Variants in RIN3 observed in about 807,000 individuals in gnomAD.
The protein encoded by RIN3 is RAB5 interacting protein 3.
A neutral mutation model predicts 76.3 loss-of-function variants in RIN3; 54 were observed. That is an observed-to-expected ratio of 0.71 (90% CI 0.57 to 0.89). The LOEUF (loss-of-function observed/expected upper bound fraction) is 0.89. Among genes scored for constraint, RIN3 ranks in the 40% least tolerant of loss-of-function variants. The pLI is 0.00. For missense variants in RIN3, 1,256 were observed against 1,322.1 expected, an observed-to-expected ratio of 0.95 and a Z score of 0.78; for synonymous variants, 576 against 564.0, an observed-to-expected ratio of 1.02 and a Z score of -0.30.
chr14:92,557,505 C>T (rs1230085541), intron 2 of RIN3, among the ~76,000 whole-genome samples: 2 of 152,336 alleles, frequency 1.3e-5, no homozygotes, highest in South Asian at 2.1e-4. Flanking sequence ...GTACAGGGCT[C>T]AGATGGCGAA....
chr14:92,688,017 A>G lies in RIN3; in HGVS notation c.2723A>G (p.Gln908Arg). Residue 908 changes from glutamine (Q) to arginine (R), a missense_variant, in exon 10 of 10, where the codon CAG becomes CGG. Physicochemically the swap from Gln to Arg is conservative, Grantham distance 43 (BLOSUM62 1). This residue lies in a region of RIN3 where 218 missense variants were observed against 174.5 expected (regional missense o/e 1.25). Coordinates refer to ENST00000216487, the MANE Select transcript of RIN3 (RefSeq NM_024832.5). ...ACCCAGGCCCAGGCGCTGTGCGCGCAGTGCGCGGAGAAGTTCGCGGTGGAG... is the reference window on the plus strand; with the variant it reads ...ACCCAGGCCCAGGCGCTGTGCGCGCGGTGCGCGGAGAAGTTCGCGGTGGAG... Reference protein sequence around the residue: ...ADTQAQALCAQCAEKFAVERP... With the variant: ...ADTQAQALCARCAEKFAVERP... 6.3e-7 allele frequency: 1 copy of G among 1,583,964 alleles called. No homozygotes were observed. Among genetic ancestry groups the G allele is most frequent in the Non-Finnish European group, 8.6e-7 (1 of 1,166,602 alleles).
intron 4 of RIN3, among the ~76,000 whole-genome samples, chr14:92,634,068 CTTTTTT>C (rs6145445): frequency 9.3e-6 from 1 of 108,108 alleles, no homozygotes; most frequent in African/African-American, 3.2e-5. Context: ...CTAAAAATCC[CTTTTTT>C]TTTTTTTTTT....
At chr14:92,676,120 A>G (rs1271709784) in intron 7 of RIN3, among the ~76,000 whole-genome samples, 1 of 151,880 alleles carries the variant, frequency 6.6e-6, no homozygotes, top group Non-Finnish European at 1.5e-5. Flanking sequence ...AGGAGCCATG[A>G]ATGCTTCTGG....
intron 3 of RIN3, among the ~76,000 whole-genome samples, chr14:92,582,583 G>T (rs750285930): frequency 4.6e-5 from 7 of 151,816 alleles, no homozygotes; most frequent in Non-Finnish European, 1.0e-4. Context: ...CTCCTGAGTA[G>T]CTGGGACTAC....
At position 92,579,348 on chromosome 14, in the gene RIN3, A is replaced by G. The variant is rs775464382; in HGVS notation, c.367+1871A>G. Among the ~76,000 whole-genome samples the G allele has an allele frequency of 2.8e-4, 43 of 152,254 alleles. 2 individuals carry two copies. Among genetic ancestry groups the G allele is most frequent in the Admixed American group, 5.9e-4 (9 of 15,290 alleles). On this transcript the variant is annotated intron_variant, in intron 3 of 9. Coordinates refer to ENST00000216487, the MANE Select transcript of RIN3 (RefSeq NM_024832.5). Reference sequence around the variant, plus strand: ...GTTACCATCTTTGTTTCAAAGTTAAACAATAAACTAAATTCCTCCCAGAGT... The same window carrying G: ...GTTACCATCTTTGTTTCAAAGTTAAGCAATAAACTAAATTCCTCCCAGAGT...
rs1888833361 is a variant in RIN3, at chr14:92,685,809, AC to A, written c.2631+660del. ...TGGCTGTCACTGCCCATCCTTTAAG[AC>A]GACTCAGTTTCTCCAACAGCCCCTC... On this transcript the variant is annotated intron_variant, in intron 9 of 9. Transcript: ENST00000216487. The surrounding 1 kb of genome is among the most constrained non-coding windows in gnomAD (Gnocchi z 4.7). 6.6e-6 allele frequency: 1 copy of A among 152,212 alleles called. No individual in the cohort carries two copies. The allele number at this position is 152,212 out of a possible 1,614,324, so 9.4% of individuals were successfully genotyped here.
intron 8 of RIN3, among the ~76,000 whole-genome samples, chr14:92,680,859 C>T (rs937167976): frequency 3.3e-5 from 5 of 152,218 alleles, no homozygotes; most frequent in African/African-American, 4.8e-5. Context: ...TTGCAGCAGG[C>T]GTGTGGGGCA....
intron 7 of RIN3, among the ~76,000 whole-genome samples, chr14:92,663,308 G>A (rs951273241): frequency 1.1e-4 from 16 of 152,200 alleles, no homozygotes; most frequent in African/African-American, 3.1e-4. Context: ...GCAGGGATTC[G>A]AGGAAGGAAT....
At position 92,641,297 on chromosome 14, in the gene RIN3, C is replaced by T. The variant is rs1342060411; in HGVS notation, c.500C>T (p.Thr167Met). 5.6e-6 allele frequency: 9 copies of T among 1,613,974 alleles called. No homozygotes were observed. The East Asian group carries it at 6.7e-5, about 12-fold the overall frequency. ...PQAILEASSF[T>M]DLETIANLGL... ...GCCATCCTTGAGGCCAGCAGCTTCA[C>T]GGACCTTGAGACCATCGCCAACCTG... is the stretch of plus-strand genomic sequence containing the variant. Residue 167 changes from threonine to methionine, a missense_variant, in exon 5 of 10, where the codon ACG (threonine) becomes ATG (methionine). Thr to Met is a moderately conservative substitution (Grantham distance 81, BLOSUM62 -1). This residue lies in a region of RIN3 where 610 missense variants were observed against 626.4 expected (regional missense o/e 0.97). Coordinates refer to ENST00000216487, the MANE Select transcript of RIN3 (RefSeq NM_024832.5).
intron 6 of RIN3, among the ~76,000 whole-genome samples, chr14:92,655,181 A>G (rs1017724072): frequency 3.0e-5 from 4 of 132,398 alleles, no homozygotes; most frequent in Non-Finnish European, 4.6e-5. Flanking sequence ...ATAAAAGTTA[A>G]AAAAAAAAAT....
chr14:92,664,688 C>G (rs1269772400), intron 7 of RIN3, among the ~76,000 whole-genome samples: 2 of 152,074 alleles, frequency 1.3e-5, no homozygotes, highest in Non-Finnish European at 2.9e-5. Flanking sequence ...TTTTCTTTCT[C>G]TCTCTGCATA....
chr14:92,684,857 G>A, intron 8 of RIN3, 130 bp from the exon 9 acceptor site: 1 of 949,096 alleles, frequency 1.1e-6, no homozygotes, highest in South Asian at 1.5e-5. Flanking sequence ...GTTGAAGCAG[G>A]TGTTTGCAGA....
At chr14:92,674,610 C>G (rs886856664) in intron 7 of RIN3, among the ~76,000 whole-genome samples, 1 of 151,882 alleles carries the variant, frequency 6.6e-6, no homozygotes, top group Non-Finnish European at 1.5e-5. Context: ...TCTCAAAGGC[C>G]GGGCGCTGTG....
At position 92,688,265 on chromosome 14, in the gene RIN3, G is replaced by T. The variant is rs565216340; in HGVS notation, c.*13G>T. 6.4e-6 allele frequency: 10 copies of T among 1,555,218 alleles called. No homozygotes were observed. The East Asian group carries it at 2.1e-4, about 32-fold the overall frequency. ...CAACTTCCTGTGAGGCCCTCCCGGG[G>T]CGCCTCCCCTCACCCCCAGGCGCAC... On this transcript the variant is annotated 3_prime_UTR_variant, in exon 10 of 10. Transcript: ENST00000216487.
intron 1 of RIN3, among the ~76,000 whole-genome samples, chr14:92,527,636 C>T (rs1310896716): frequency 9.2e-5 from 14 of 151,602 alleles, no homozygotes; most frequent in Admixed American, 8.5e-4. Context: ...ATTCCATCAC[C>T]CTCCAAAAGC....
intron 4 of RIN3, among the ~76,000 whole-genome samples, chr14:92,629,117 AAGAG>A (rs58288914): frequency 0.03 from 4,376 of 145,262 alleles, 107 homozygotes; most frequent in East Asian, 0.14. Context: ...CGGAAAGGAA[AAGAG>A]AGAGAGAGAG....
At chr14:92,571,249 C>A (rs1898055457) in intron 2 of RIN3, among the ~76,000 whole-genome samples, 1 of 152,154 alleles carries the variant, frequency 6.6e-6, no homozygotes, top group South Asian at 2.1e-4. Context: ...CAGGAGTTGC[C>A]CGATTTGTGA....
rs1273186523 is a variant in RIN3 at position 92,688,157 on chromosome 14, G to C, written c.2863G>C (p.Asp955His). The C allele has an allele frequency of 3.7e-6, 6 of 1,610,084 alleles. No homozygotes were observed. The highest frequency in any genetic ancestry group is 1.7e-5 in the Admixed American group (1 of 59,892). ...GYLLRSEPKR[D>H]FHFVYRPLDG... ...CCTGCTGCGCAGCGAGCCCAAGCGC[G>C]ACTTCCACTTTGTCTACCGGCCCCT... Residue 955 changes from aspartate to histidine, a missense_variant, in exon 10 of 10, where the codon GAC (aspartate) becomes CAC (histidine). Asp to His is a moderately conservative substitution (Grantham distance 81). This residue lies in a region of RIN3 where 218 missense variants were observed against 174.5 expected (regional missense o/e 1.25). Transcript: ENST00000216487.
rs576268681 is a variant in RIN3, at chr14:92,513,944, C to T, written c.12C>T (p.His4=). Residue 4 remains histidine (H), a synonymous_variant, in exon 1 of 10, where the codon CAC becomes CAT. Transcript: ENST00000216487. ...GAGCTGCCGGCGGCATGATCCGACACGCCGGGGCGCCCGCGCGCGGGGACC... is the reference window on the plus strand; with the variant it reads ...GAGCTGCCGGCGGCATGATCCGACATGCCGGGGCGCCCGCGCGCGGGGACC... The part of the protein sequence containing the change: MIR[H]AGAPARGDPT... 1.6e-6 allele frequency: 2 copies of T among 1,245,772 alleles called. No individual in the cohort carries two copies. Among genetic ancestry groups the T allele is most frequent in the South Asian group, 6.6e-5 (2 of 30,160 alleles). 77.2% of individuals were successfully genotyped at this position (1,245,772 alleles called of 1,614,324 possible).
Sources: allele counts gnomAD v4.1 joint callset (sites outside exome capture counted in the v4.1 genomes callset), GRCh38; gene constraint gnomAD v4.1.1; regional missense constraint gnomAD v4.1.1; non-coding constraint Gnocchi (gnomAD v3.1); transcripts MANE v1.5; gene names NCBI Gene and HGNC (gene_info 2026-07-23, HGNC 2026-07-21).